Variants in SHISA9 observed in about 807,000 individuals in gnomAD.
SHISA9 encodes protein shisa-9.
In SHISA9, 13 loss-of-function variants were observed where a neutral mutation model predicts 38.0. The ratio of observed to expected loss-of-function variants is 0.34; its 90% CI spans 0.22 to 0.54. SHISA9 has a LOEUF of 0.54. Ranked by LOEUF, SHISA9 falls within the 20% of genes least tolerant of loss-of-function variation. The pLI, the probability that SHISA9 is intolerant of heterozygous loss-of-function variation, is 0.91. For missense variants in SHISA9, 538 were observed against 575.8 expected (o/e 0.93, Z 0.67); for synonymous variants, 275 against 242.0 (o/e 1.14, Z -1.27).
At chr16:13,553,017 T>G in the SHISA9 span, among the ~76,000 whole-genome samples, 1 of 152,138 alleles carries the variant, frequency 6.6e-6, no homozygotes, top group Non-Finnish European at 1.5e-5. Context: ...TGCTGGCCTC[T>G]GCAATCTAGA....
intron 2 of SHISA9, among the ~76,000 whole-genome samples, chr16:13,126,587 GAGAGAA>G (rs1373210544): frequency 2.7e-5 from 4 of 145,458 alleles, no homozygotes; most frequent in African/African-American, 1.0e-4. Flanking sequence ...GGGAAAGAGA[GAGAGAA>G]AGAGAGACAG....
chr16:13,140,098 TC>T (rs2050386678), intron 2 of SHISA9, among the ~76,000 whole-genome samples: 1 of 14,876 alleles, frequency 6.7e-5, no homozygotes, highest in Admixed American at 5.9e-4. Context: ...TCCCTTCCCT[TC>T]CCTTCCCTTC....
At chr16:13,097,277 A>G (rs1170518671) in intron 2 of SHISA9, among the ~76,000 whole-genome samples, 2 of 152,140 alleles carry the variant, frequency 1.3e-5, no homozygotes, top group African/African-American at 4.8e-5. Flanking sequence ...CAGGGAGTTG[A>G]TGTTAGATCT....
the SHISA9 span, among the ~76,000 whole-genome samples, chr16:13,516,697 G>A: frequency 6.6e-6 from 1 of 152,052 alleles, no homozygotes; most frequent in African/African-American, 2.4e-5. Context: ...CTACTCGGGA[G>A]GCTGAGGCAG....
chr16:12,953,526 T>C (rs1172385921), intron 2 of SHISA9, among the ~76,000 whole-genome samples: 1 of 152,204 alleles, frequency 6.6e-6, no homozygotes, highest in Admixed American at 6.5e-5. Flanking sequence ...ATTGAATATT[T>C]GATTCATTGA....
At chr16:13,036,738 T>C (rs2073069544) in intron 2 of SHISA9, among the ~76,000 whole-genome samples, 1 of 116,008 alleles carries the variant, frequency 8.6e-6, no homozygotes, top group South Asian at 2.7e-4. Context: ...CTTCTTGAAG[T>C]TCAGAGGAGG....
At chr16:13,459,051 C>G in the SHISA9 span, among the ~76,000 whole-genome samples, 1 of 151,880 alleles carries the variant, frequency 6.6e-6, no homozygotes, top group African/African-American at 2.4e-5. Flanking sequence ...TGGGGTTTCT[C>G]CATGTTGGGT....
chr16:13,239,127 A>G lies in SHISA9; in HGVS notation c.*3718A>G, dbSNP rs1038586426. ...TTGCGATAGTTTACTGAGAATGATG[A>G]TTTCCAATTTCATCCATGTCCCTAC... is the stretch of plus-strand genomic sequence containing the variant. On this transcript the variant is annotated 3_prime_UTR_variant, in exon 5 of 5. Coordinates refer to ENST00000558583, the MANE Select transcript of SHISA9 (RefSeq NM_001145204.3). 6.6e-6 allele frequency: 1 copy of G among 150,850 alleles called. No individual in the cohort carries two copies. The highest frequency in any genetic ancestry group is 2.4e-5 in the African/African-American group (1 of 40,958). The allele number at this position is 150,850 out of a possible 1,614,324, so 9.3% of individuals were successfully genotyped here. A position where few individuals can be genotyped will look rare whatever the true frequency, so the allele number is the denominator to read the frequency against.
the SHISA9 span, among the ~76,000 whole-genome samples, chr16:13,260,926 A>C: frequency 2.0e-5 from 3 of 152,198 alleles, no homozygotes; most frequent in African/African-American, 7.2e-5. Flanking sequence ...TCATGGCAGG[A>C]GGCGAAAGGC....
the SHISA9 span, among the ~76,000 whole-genome samples, chr16:13,300,857 T>TCTCCG: frequency 1.5e-5 from 2 of 130,572 alleles, no homozygotes; most frequent in Non-Finnish European, 3.2e-5. Flanking sequence ...TCTCCTCTCC[T>TCTCCG]CTCCTCTCCT....
rs1412838012 is a variant in SHISA9, at chr16:12,902,052, G to T, written c.-13G>T. On this transcript the variant is annotated 5_prime_UTR_variant, in exon 1 of 5. Transcript: ENST00000558583. ...GCGGCGGCCGAGCGGCCGAGCCCGG[G>T]CTGGGAGACACCATGCGCCGCGTCC... 24 of 1,475,608 alleles carry T rather than the reference G, an allele frequency of 1.6e-5. No homozygotes were observed. Among genetic ancestry groups the T allele is most frequent in the East Asian group, 5.9e-5 (2 of 34,052 alleles). The allele number at this position is 1,475,608 out of a possible 1,614,324, so 91.4% of individuals were successfully genotyped here.
At chr16:13,461,870 C>A in the SHISA9 span, among the ~76,000 whole-genome samples, 284 of 152,068 alleles carry the variant, frequency 1.9e-3, no homozygotes, top group African/African-American at 6.0e-3. Flanking sequence ...ACCTCGGCCT[C>A]CCAAAGTGCT....
intron 2 of SHISA9, among the ~76,000 whole-genome samples, chr16:13,061,888 G>T (rs914153140): frequency 2.0e-5 from 3 of 152,166 alleles, no homozygotes; most frequent in Admixed American, 6.5e-5. Flanking sequence ...TGAATGGTGG[G>T]GGGAGGAGCA....
At chr16:13,261,570 T>C in the SHISA9 span, among the ~76,000 whole-genome samples, 3 of 152,172 alleles carry the variant, frequency 2.0e-5, no homozygotes, top group Non-Finnish European at 4.4e-5. Context: ...TGAAGTTGAC[T>C]AGGAATAAAA....
At chr16:13,010,725 G>T (rs1053520521) in intron 2 of SHISA9, among the ~76,000 whole-genome samples, 5 of 152,178 alleles carry the variant, frequency 3.3e-5, no homozygotes, top group African/African-American at 9.7e-5. Context: ...GCCAAGGCGG[G>T]CGGATCACCT....
At chr16:13,300,423 G>A in the SHISA9 span, among the ~76,000 whole-genome samples, 2 of 152,192 alleles carry the variant, frequency 1.3e-5, no homozygotes, top group Admixed American at 6.5e-5. Context: ...AAAAATCGGA[G>A]AGGTGCATAT....
the SHISA9 span, among the ~76,000 whole-genome samples, chr16:13,508,091 C>G: frequency 4.6e-5 from 7 of 152,242 alleles, no homozygotes; most frequent in African/African-American, 1.7e-4. Context: ...GTCTCTATCT[C>G]TCATCTAAAT....
rs1032758729 is a variant in SHISA9, at chr16:13,197,502, G to A, written c.692-5892G>A. 6 of 152,282 alleles carry A rather than the reference G, an allele frequency of 3.9e-5. No homozygotes were observed. In the East Asian group the frequency reaches 5.8e-4, roughly 15 times the overall value. 9.4% of individuals were successfully genotyped at this position (152,282 alleles called of 1,614,324 possible). A position where few individuals can be genotyped will look rare whatever the true frequency, so the allele number is the denominator to read the frequency against. ...TCCCACACAACAACAGGAGTTACAC[G>A]GTAGTTACCTTGGCGCAAGTCTGCC... On this transcript the variant is annotated intron_variant, in intron 2 of 4. Transcript: ENST00000558583.
At chr16:12,915,633 T>C (rs2071243670) in intron 1 of SHISA9, among the ~76,000 whole-genome samples, 1 of 152,168 alleles carries the variant, frequency 6.6e-6, no homozygotes, top group South Asian at 2.1e-4. Flanking sequence ...ACCATACTAA[T>C]TATTGCATAT....
Sources: allele counts gnomAD v4.1 joint callset (sites outside exome capture counted in the v4.1 genomes callset), GRCh38; gene constraint gnomAD v4.1.1; transcripts MANE v1.5; gene names NCBI Gene and HGNC (gene_info 2026-07-23, HGNC 2026-07-21).